The following INPP5A variants were observed in gnomAD, a reference collection of about 807,000 sequenced individuals.
The protein encoded by INPP5A is 43 kDa inositol polyphosphate 5-phophatase.
A neutral mutation model predicts 65.2 loss-of-function variants in INPP5A; 14 were observed. The observed-to-expected ratio is 0.21, with a 90% confidence interval of 0.14 to 0.34. INPP5A has a LOEUF of 0.34. Among genes scored for constraint, INPP5A ranks in the 10% least tolerant of loss-of-function variants. The pLI is 1.00. For synonymous variants in INPP5A, 207 were observed against 208.3 expected (o/e 0.99, Z 0.05); for missense variants, 431 against 545.6 (o/e 0.79, Z 2.09).
At chr10:132,656,437 C>A (rs928945083) in intron 4 of INPP5A, among the ~76,000 whole-genome samples, 2 of 152,314 alleles carry the variant, frequency 1.3e-5, no homozygotes, top group East Asian at 3.9e-4. Flanking sequence ...CCAGGGACAC[C>A]CCTGCCCCCG....
At chr10:132,729,831 G>A (rs1397543549) in intron 9 of INPP5A, among the ~76,000 whole-genome samples, 2 of 152,200 alleles carry the variant, frequency 1.3e-5, no homozygotes, top group Non-Finnish European at 2.9e-5. Context: ...TAATGGCTGT[G>A]CTTAAGGGGC....
chr10:132,682,703 T>C (rs1389960234), intron 4 of INPP5A, among the ~76,000 whole-genome samples: 1 of 152,172 alleles, frequency 6.6e-6, no homozygotes, highest in Non-Finnish European at 1.5e-5. Context: ...AATCAGCGTG[T>C]AAACTGTGTG....
chr10:132,630,361 G>A (rs1043268017), intron 2 of INPP5A, among the ~76,000 whole-genome samples: 5 of 151,830 alleles, frequency 3.3e-5, no homozygotes, highest in South Asian at 2.1e-4. Flanking sequence ...AGGGAAAGAC[G>A]TCCTTGAGGG....
rs1254970622 is a variant in INPP5A at position 132,627,622 on chromosome 10, A to G, written c.118-18246A>G. The stretch of plus-strand genomic sequence containing the variant: ...TGAACGAGGGAGTGAGAGCCGAAAA[A>G]GACACCTTCCAGGAATCGTGGTGAA... On this transcript the variant is annotated intron_variant, in intron 2 of 15. Coordinates refer to ENST00000368594, the MANE Select transcript of INPP5A (RefSeq NM_005539.5). The surrounding 1 kb of genome is among the most constrained non-coding windows in gnomAD (Gnocchi z 6.6). 6.6e-6 allele frequency among the ~76,000 whole-genome samples: 1 copy of G among 152,170 alleles called. No individual in the cohort carries two copies. The highest frequency in any genetic ancestry group is 6.5e-5 in the Admixed American group (1 of 15,284).
Position 132,597,779 on chromosome 10 carries a change from T to C in INPP5A, c.76-10136T>C, listed in dbSNP as rs1354627734. Among the ~76,000 whole-genome samples, 3 of 151,390 alleles carry C rather than the reference T, an allele frequency of 2.0e-5. No individual in the cohort carries two copies. The East Asian group carries it at 5.9e-4, about 30-fold the overall frequency. On this transcript the variant is annotated intron_variant, in intron 1 of 15. Coordinates refer to ENST00000368594, the MANE Select transcript of INPP5A (RefSeq NM_005539.5). ...GCTACGTGTAGTGACCCTGGGCCTG[T>C]GGTGCGTGTTCCGGGGCTGTGCTAC... is the stretch of plus-strand genomic sequence containing the variant.
At chr10:132,701,443 G>A (rs931620260) in intron 6 of INPP5A, among the ~76,000 whole-genome samples, 3 of 152,226 alleles carry the variant, frequency 2.0e-5, no homozygotes. Flanking sequence ...ACACAGCCTG[G>A]GATGGAGGAG....
chr10:132,730,353 A>G (rs1423845996), intron 9 of INPP5A, among the ~76,000 whole-genome samples: 1 of 152,188 alleles, frequency 6.6e-6, no homozygotes, highest in African/African-American at 2.4e-5. Flanking sequence ...GTCGGGTGAC[A>G]GACCCAGTGC....
intron 4 of INPP5A, among the ~76,000 whole-genome samples, chr10:132,661,512 T>C (rs2072737242): frequency 6.6e-6 from 1 of 152,204 alleles, no homozygotes; most frequent in South Asian, 2.1e-4. Flanking sequence ...AACTATGATA[T>C]ATTGCTCAGA....
intron 1 of INPP5A, among the ~76,000 whole-genome samples, chr10:132,594,912 C>G (rs2814453): frequency 0.9 from 137,601 of 152,254 alleles, 62,248 homozygotes; most frequent in East Asian, 1. Context: ...AGTTATTTAA[C>G]ATTCTGGCCA....
chr10:132,657,150 A>G (rs2072667487), intron 4 of INPP5A, among the ~76,000 whole-genome samples: 1 of 152,226 alleles, frequency 6.6e-6, no homozygotes, highest in Non-Finnish European at 1.5e-5. Flanking sequence ...TGCTCACTCA[A>G]GGCTCTTGGG....
At chr10:132,648,999 C>G (rs935229964) in intron 3 of INPP5A, among the ~76,000 whole-genome samples, 2 of 152,194 alleles carry the variant, frequency 1.3e-5, no homozygotes, top group Non-Finnish European at 2.9e-5. Context: ...TGTTCTTAGG[C>G]TCCAGTTACC....
intron 4 of INPP5A, among the ~76,000 whole-genome samples, chr10:132,652,532 A>G (rs2072590965): frequency 6.6e-6 from 1 of 152,242 alleles, no homozygotes; most frequent in African/African-American, 2.4e-5. Flanking sequence ...AGCAAGTTAC[A>G]TGAAGGCCCT....
At chr10:132,601,702 C>T (rs749862686) in intron 1 of INPP5A, among the ~76,000 whole-genome samples, 29 of 152,288 alleles carry the variant, frequency 1.9e-4, no homozygotes, top group African/African-American at 2.9e-4. Context: ...CTTTTGCATG[C>T]GGTTATCCAG....
intron 9 of INPP5A, among the ~76,000 whole-genome samples, chr10:132,739,099 A>C (rs573254446): frequency 6.6e-6 from 1 of 152,070 alleles, no homozygotes; most frequent in South Asian, 2.1e-4. Context: ...ACCCTGCCCC[A>C]CAGCCCTCCC....
intron 9 of INPP5A, among the ~76,000 whole-genome samples, chr10:132,736,729 A>G (rs1430712274): frequency 6.6e-6 from 1 of 152,230 alleles, no homozygotes; most frequent in Non-Finnish European, 1.5e-5. Context: ...CCTGGCGCCC[A>G]GGCGTCCTTC....
chr10:132,735,798 C>A (rs1365471345), intron 9 of INPP5A, among the ~76,000 whole-genome samples: 4 of 152,230 alleles, frequency 2.6e-5, no homozygotes, highest in Non-Finnish European at 5.9e-5. Flanking sequence ...GTTTGCCCTG[C>A]CGAGAGTTCA....
intron 6 of INPP5A, among the ~76,000 whole-genome samples, chr10:132,701,785 G>T (rs961869133): frequency 3.3e-5 from 5 of 152,246 alleles, no homozygotes; most frequent in Admixed American, 3.3e-4. Flanking sequence ...GCCTGCTTGG[G>T]GCTTGGCCAG....
At position 132,704,515 on chromosome 10, in the gene INPP5A, G is replaced by T. The variant is rs990651136; in HGVS notation, c.475-3798G>T. ...CTGCTGGTGCGCAGAGCCACCCCTC[G>T]CAGCCCGCCGGCAACATGGGCTCTG... On this transcript the variant is annotated intron_variant, in intron 6 of 15. Transcript: ENST00000368594. This position sits in a 1 kb window ranked among gnomAD's most constrained non-coding sequence, Gnocchi z 4.5. Among the ~76,000 whole-genome samples the T allele has an allele frequency of 1.3e-5, 2 of 152,224 alleles. No homozygotes were observed. Among genetic ancestry groups the T allele is most frequent in the African/African-American group, 4.8e-5 (2 of 41,464 alleles).
chr10:132,560,537 G>A (rs193256692), intron 1 of INPP5A, among the ~76,000 whole-genome samples: 13 of 152,196 alleles, frequency 8.5e-5, no homozygotes, highest in African/African-American at 2.2e-4. Flanking sequence ...AGTGTCTTTC[G>A]TGTGCTTACT....
Sources: allele counts gnomAD v4.1 joint callset (sites outside exome capture counted in the v4.1 genomes callset), GRCh38; gene constraint gnomAD v4.1.1; non-coding constraint Gnocchi (gnomAD v3.1); transcripts MANE v1.5; gene names NCBI Gene and HGNC (gene_info 2026-07-23, HGNC 2026-07-21).